NDUFA7: variants seen among roughly 807,000 people sequenced by gnomAD.
NDUFA7 encodes NADH:ubiquinone oxidoreductase subunit A7.
A neutral mutation model predicts 14.2 loss-of-function variants in NDUFA7; 18 were observed. The observed-to-expected ratio is 1.27, with a 90% confidence interval of 0.88 to 1.88. The LOEUF (loss-of-function observed/expected upper bound fraction) is 1.88. NDUFA7 is among the 40% of genes most tolerant of loss of function. The probability of loss-of-function intolerance (pLI) is 0.00; values close to 1 mark genes in which losing one functional copy is unlikely to be tolerated. For missense variants in NDUFA7, 172 were observed against 147.3 expected (o/e 1.17, Z -0.87); for synonymous variants, 75 against 62.1 (o/e 1.21, Z -0.98).
At chr19:8,314,514 C>T (rs1418239590) in intron 3 of NDUFA7, among the ~76,000 whole-genome samples, 1 of 151,864 alleles carries the variant, frequency 6.6e-6, no homozygotes, top group African/African-American at 2.4e-5. Flanking sequence ...ACTTGTAGTC[C>T]CAGCTACTCG....
Position 8,316,495 on chromosome 19 carries a change from C to A in NDUFA7, c.251+1G>T. On this transcript the variant is annotated splice_donor_variant, in intron 3 of 3. Transcript: ENST00000301457. LOFTEE classifies it high-confidence loss of function. ...TGGTGAGCAGCGCTGGAGATCCTCA[C>A]CTCTCTGCTGGCTTGCCTGACACCA... 1 of 1,613,752 alleles carries A rather than the reference C, an allele frequency of 6.2e-7. No individual in the cohort carries two copies. Among genetic ancestry groups the A allele is most frequent in the Non-Finnish European group, 8.5e-7 (1 of 1,179,866 alleles).
chr19:8,309,656 T>G (rs540963997), downstream of NDUFA7, among the ~76,000 whole-genome samples: 1 of 152,150 alleles, frequency 6.6e-6, no homozygotes, highest in African/African-American at 2.4e-5. Context: ...TCCAGGAAGG[T>G]GTTAGCCTTT....
intron 2 of NDUFA7, among the ~76,000 whole-genome samples, chr19:8,318,348 C>T (rs549294111): frequency 6.6e-6 from 1 of 151,680 alleles, no homozygotes; most frequent in Admixed American, 6.6e-5. Context: ...TGGGTTTTCA[C>T]TATGTTGGCC....
chr19:8,312,195 G>A (rs748793457), intron 3 of NDUFA7, among the ~76,000 whole-genome samples: 1 of 152,190 alleles, frequency 6.6e-6, no homozygotes, highest in Non-Finnish European at 1.5e-5. Context: ...AGTCCAGGAC[G>A]AGCACCCTCC....
chr19:8,320,021 T>C (rs1970282998), intron 2 of NDUFA7, among the ~76,000 whole-genome samples: 2 of 152,068 alleles, frequency 1.3e-5, no homozygotes, highest in Non-Finnish European at 2.9e-5. Context: ...AATTTTTGTA[T>C]TTCTAGTAGA....
downstream of NDUFA7, among the ~76,000 whole-genome samples, chr19:8,310,130 C>A (rs897940339): frequency 4.6e-5 from 7 of 152,112 alleles, no homozygotes; most frequent in Non-Finnish European, 1.0e-4. Context: ...TGTGGGAGCC[C>A]TCAAGAGATG....
At chr19:8,317,327 G>A (rs1970247405) in intron 2 of NDUFA7, among the ~76,000 whole-genome samples, 1 of 152,144 alleles carries the variant, frequency 6.6e-6, no homozygotes, top group African/African-American at 2.4e-5. Context: ...AGCACTTTGG[G>A]AGGCCGAGGT....
At chr19:8,318,128 T>C (rs79959110) in intron 2 of NDUFA7, among the ~76,000 whole-genome samples, 2,352 of 152,218 alleles carry the variant, frequency 0.015, 59 homozygotes, top group African/African-American at 0.055. Context: ...GGTGGAAGGA[T>C]TGCTTGAGGC....
chr19:8,320,258 C>T (rs1007079914), intron 2 of NDUFA7, among the ~76,000 whole-genome samples: 1 of 152,188 alleles, frequency 6.6e-6, no homozygotes. Flanking sequence ...TCTGACTTTA[C>T]GTAGCCACCC....
chr19:8,312,838 T>C (rs1430765360), intron 3 of NDUFA7, among the ~76,000 whole-genome samples: 1 of 152,114 alleles, frequency 6.6e-6, no homozygotes, highest in Non-Finnish European at 1.5e-5. Flanking sequence ...CTAATTTTTG[T>C]ATTTTTTGTA....
At position 8,311,405 on chromosome 19, in the gene NDUFA7, G is replaced by T; in HGVS notation, c.*100C>A. 1.1e-6 allele frequency: 1 copy of T among 909,502 alleles called. No individual in the cohort carries two copies. 56.3% of individuals were successfully genotyped at this position (909,502 alleles called of 1,614,324 possible). On this transcript the variant is annotated 3_prime_UTR_variant, in exon 4 of 4. Transcript: ENST00000301457. Reference sequence around the variant, plus strand: ...TTTATTTTTTAAAGTAAAACTAGAAGTGATACCTGAGCTCTACGTATTTGT... The same window carrying T: ...TTTATTTTTTAAAGTAAAACTAGAATTGATACCTGAGCTCTACGTATTTGT...
chr19:8,316,713 T>C (rs1213041628), intron 2 of NDUFA7, 68 bp from the exon 3 acceptor site: 7 of 1,016,534 alleles, frequency 6.9e-6, no homozygotes, highest in South Asian at 1.6e-5. Context: ...TGTGGGCCCC[T>C]GTCACCTCAG....
chr19:8,315,824 A>G (rs1970226109), intron 3 of NDUFA7, among the ~76,000 whole-genome samples: 3 of 152,042 alleles, frequency 2.0e-5, no homozygotes. Flanking sequence ...AGCCTGGGCG[A>G]CGCAGGGAGA....
In NDUFA7 at chr19:8,316,724, T is replaced by C. The variant is rs937470712; in HGVS notation, c.102-79A>G. ...CCGCTGTGGGCCCCTGTCACCTCAG[T>C]CACAAAATGTGGGATCTACAGCCAG... On this transcript the variant is annotated intron_variant, in intron 2 of 3. Transcript: ENST00000301457. 388 of 1,536,790 alleles carry C rather than the reference T, an allele frequency of 2.5e-4. 11 individuals are homozygous for C. The highest frequency in any genetic ancestry group is 1.5e-4 in the Non-Finnish European group (164 of 1,124,614).
chr19:8,316,638 G>C lies in NDUFA7; in HGVS notation c.109C>G (p.Pro37Ala), dbSNP rs1970238586. ...GGACCCACAGGGAGCTTGGGAGGAG[G>C]CTGAGTTCTGAGGGGAAAAAAGATG... ...RYQEISKRTQ[P>A]PPKLPVGPSH... Residue 37 changes from proline (P) to alanine (A), a missense_variant, in exon 3 of 4, where the codon CCT (proline) becomes GCT (alanine). Transcript: ENST00000301457. 2 of 1,613,946 alleles carry C rather than the reference G, an allele frequency of 1.2e-6. No homozygotes were observed. The highest frequency in any genetic ancestry group is 1.3e-5 in the African/African-American group (1 of 74,914).
chr19:8,319,741 T>C (rs7250792), intron 2 of NDUFA7, among the ~76,000 whole-genome samples: 17,419 of 152,098 alleles, frequency 0.11, 2,040 homozygotes, highest in African/African-American at 0.3. Context: ...ATTATACCAT[T>C]ATCCCTTTCC....
At chr19:8,311,841 C>T (rs1264610311) in intron 3 of NDUFA7, among the ~76,000 whole-genome samples, 1 of 152,202 alleles carries the variant, frequency 6.6e-6, no homozygotes, top group African/African-American at 2.4e-5. Context: ...CTGTGGCCCC[C>T]AGGCCCAGAA....
rs764308196 is a variant in NDUFA7 at position 8,316,646 on chromosome 19, C to A, written c.102-1G>T. 1 of 1,613,772 alleles carries A rather than the reference C, an allele frequency of 6.2e-7. No homozygotes were observed. Among genetic ancestry groups the A allele is most frequent in the Non-Finnish European group, 8.5e-7 (1 of 1,179,828 alleles). ...AGGGAGCTTGGGAGGAGGCTGAGTT[C>A]TGAGGGGAAAAAAGATGAGCACTGA... On this transcript the variant is annotated splice_acceptor_variant, in intron 2 of 3. Transcript: ENST00000301457. LOFTEE classifies it high-confidence loss of function.
At chr19:8,316,672 A>G (rs1970239164) in intron 2 of NDUFA7, 27 bp from the exon 3 acceptor site, 3 of 1,611,254 alleles carry the variant, frequency 1.9e-6, no homozygotes, top group Non-Finnish European at 2.5e-6. Flanking sequence ...TGAGCACTGA[A>G]GCAAAGAGAC....
Sources: allele counts gnomAD v4.1 joint callset (sites outside exome capture counted in the v4.1 genomes callset), GRCh38; gene constraint gnomAD v4.1.1; transcripts MANE v1.5; gene names NCBI Gene and HGNC (gene_info 2026-07-23, HGNC 2026-07-21).